Variants in FUT8 observed in about 807,000 individuals in gnomAD.
FUT8 encodes fucosyltransferase 8, also known as alpha-(1,6)-fucosyltransferase.
In FUT8, 29 loss-of-function variants were observed where a neutral mutation model predicts 71.3. That is an observed-to-expected ratio of 0.41 (90% CI 0.30 to 0.55). FUT8 has a LOEUF of 0.55. Ranked by LOEUF, FUT8 falls within the 20% of genes least tolerant of loss-of-function variation. The pLI, the probability that FUT8 is intolerant of heterozygous loss-of-function variation, is 0.34. For synonymous variants in FUT8, 254 were observed against 239.3 expected, an observed-to-expected ratio of 1.06 and a Z score of -0.57; for missense variants, 544 against 702.1, an observed-to-expected ratio of 0.77 and a Z score of 2.55.
At position 65,629,432 on chromosome 14, in the gene FUT8, T is replaced by C. The variant is rs1001534305; in HGVS notation, c.483-60T>C. On this transcript the variant is annotated intron_variant, in intron 5 of 10. Transcript: ENST00000673929. Reference sequence around the variant, plus strand: ...GAATCTGGCATTCTTCTTAAGACTTTGTGTAATCCAGTGAAGCAGTACAGA... The same window carrying C: ...GAATCTGGCATTCTTCTTAAGACTTCGTGTAATCCAGTGAAGCAGTACAGA... The C allele has an allele frequency of 3.9e-6, 4 of 1,016,978 alleles. No individual in the cohort carries two copies. The African/African-American group carries it at 4.8e-5, about 12-fold the overall frequency. The allele number at this position is 1,016,978 out of a possible 1,614,324, so 63.0% of individuals were successfully genotyped here.
At chr14:65,358,789 C>T in the FUT8 span, among the ~76,000 whole-genome samples, 1 of 152,214 alleles carries the variant, frequency 6.6e-6, no homozygotes, top group African/African-American at 2.4e-5. Context: ...ATGTCTTTGC[C>T]ATTTTGTTTT....
intron 2 of FUT8, among the ~76,000 whole-genome samples, chr14:65,524,715 A>G (rs1241835659): frequency 1.3e-5 from 2 of 152,136 alleles, no homozygotes; most frequent in African/African-American, 4.8e-5. Flanking sequence ...TGGGTTTGTC[A>G]TAAATAGCTC....
At chr14:65,510,827 A>G (rs1882292145) in intron 2 of FUT8, among the ~76,000 whole-genome samples, 1 of 151,982 alleles carries the variant, frequency 6.6e-6, no homozygotes, top group South Asian at 2.1e-4. Flanking sequence ...AGTCTGGCTT[A>G]AGGTTTGTCC....
In FUT8 at chr14:65,627,482, G is replaced by C. The variant is rs1889959352; in HGVS notation, c.483-2010G>C. ...GCGACTTGAGAGGGTCAAGTGTGCT[G>C]TCTGACCATTGACTTGGGCCTGTAT... On this transcript the variant is annotated intron_variant, in intron 5 of 10. Transcript: ENST00000673929. The surrounding 1 kb of genome is among the most constrained non-coding windows in gnomAD (Gnocchi z 4.0). Among the ~76,000 whole-genome samples the C allele has an allele frequency of 6.6e-6, 1 of 152,236 alleles. No individual in the cohort carries two copies. The highest frequency in any genetic ancestry group is 6.5e-5 in the Admixed American group (1 of 15,290).
chr14:65,717,028 C>T (rs959975445), intron 7 of FUT8, among the ~76,000 whole-genome samples: 5 of 147,688 alleles, frequency 3.4e-5, no homozygotes, highest in African/African-American at 1.0e-4. Flanking sequence ...TCCACACTTC[C>T]CAGACGGGGT....
chr14:65,567,075 T>G (rs1293603601), intron 3 of FUT8, among the ~76,000 whole-genome samples: 1 of 151,990 alleles, frequency 6.6e-6, no homozygotes, highest in Non-Finnish European at 1.5e-5. Context: ...CAACTTTCCT[T>G]TTAACCTAAT....
At chr14:65,421,997 AG>A (rs2065305371) in intron 1 of FUT8, among the ~76,000 whole-genome samples, 2 of 151,944 alleles carry the variant, frequency 1.3e-5, no homozygotes, top group African/African-American at 4.8e-5. Context: ...TACTTTCTGT[AG>A]TGTACTGTGT....
the FUT8 span, among the ~76,000 whole-genome samples, chr14:65,365,697 C>T: frequency 6.6e-6 from 1 of 152,120 alleles, no homozygotes; most frequent in South Asian, 2.1e-4. Context: ...CAAGAGGTTG[C>T]CCTATAGGGT....
intron 2 of FUT8, among the ~76,000 whole-genome samples, chr14:65,515,034 A>G (rs1882616098): frequency 6.8e-6 from 1 of 147,780 alleles, no homozygotes; most frequent in Non-Finnish European, 1.5e-5. Context: ...TTGTGGAATC[A>G]AATTATTTTG....
chr14:65,383,896 G>C, the FUT8 span, among the ~76,000 whole-genome samples: 1 of 151,142 alleles, frequency 6.6e-6, no homozygotes, highest in African/African-American at 2.4e-5. Flanking sequence ...AAGGTCCCAT[G>C]GGATGAAACA....
chr14:65,564,390 CA>C (rs1478428776), intron 3 of FUT8, among the ~76,000 whole-genome samples: 3 of 151,944 alleles, frequency 2.0e-5, no homozygotes, highest in Admixed American at 1.3e-4. Context: ...AAGCCATTAA[CA>C]AATCTTTCGG....
intron 1 of FUT8, among the ~76,000 whole-genome samples, chr14:65,445,778 A>G (rs996714392): frequency 6.6e-5 from 10 of 152,200 alleles, no homozygotes; most frequent in African/African-American, 2.4e-4. Context: ...TGACTGATGC[A>G]CAGAAAACCT....
At chr14:65,390,134 A>C in the FUT8 span, among the ~76,000 whole-genome samples, 1 of 151,092 alleles carries the variant, frequency 6.6e-6, no homozygotes, top group South Asian at 2.1e-4. Flanking sequence ...TGACAGAATG[A>C]GACCCTGTCT....
rs767925316 is a variant in FUT8, at chr14:65,629,543, T to C, written c.534T>C (p.Asp178=). 2.9e-5 allele frequency: 47 copies of C among 1,613,768 alleles called. No homozygotes were observed. In the South Asian group the frequency reaches 4.2e-4, roughly 14 times the overall value. ...TCAGTCAGACAGATGGAGCAGGTGA[T>C]TGGCGGGAAAAAGAGGCCAAAGATC... ...YYLSQTDGAG[D]WREKEAKDLT... is the part of the protein sequence containing the mutation. The change falls in exon 6 of 11, where the codon GAT becomes GAC. Residue 178 remains aspartate (D), a synonymous_variant. Transcript: ENST00000673929.
chr14:65,616,382 C>T lies in FUT8; in HGVS notation c.482+9C>T, dbSNP rs762982895. The stretch of plus-strand genomic sequence containing the variant: ...TTAGGACATCATGAAAGGTACTATT[C>T]TCCTTTCACATTTTATTTGGGCTTT... On this transcript the variant is annotated intron_variant, in intron 5 of 10. Coordinates refer to ENST00000673929, the MANE Select transcript of FUT8 (RefSeq NM_001371533.1). 2.6e-6 allele frequency: 4 copies of T among 1,549,242 alleles called. No individual in the cohort carries two copies. The highest frequency in any genetic ancestry group is 3.5e-6 in the Non-Finnish European group (4 of 1,147,856).
At chr14:65,507,781 T>C (rs2066759613) in intron 2 of FUT8, among the ~76,000 whole-genome samples, 2 of 152,218 alleles carry the variant, frequency 1.3e-5, no homozygotes, top group Admixed American at 1.3e-4. Context: ...AGATATCTCT[T>C]TGATACACTG....
At chr14:65,462,851 AGT>A (rs967043175) in intron 2 of FUT8, among the ~76,000 whole-genome samples, 4 of 152,242 alleles carry the variant, frequency 2.6e-5, no homozygotes, top group Non-Finnish European at 5.9e-5. Flanking sequence ...TCTGGACAAA[AGT>A]TACTGAAGTA....
Position 65,716,886 on chromosome 14 carries a change from G to A in FUT8, c.836-4889G>A, listed in dbSNP as rs1256070328. ...CAGAGGCGCTCCTCACCTCCCAGAC[G>A]GGGCGGCCGGGCAGAGGCGCTCCCC... On this transcript the variant is annotated intron_variant, in intron 7 of 10. Coordinates refer to ENST00000673929, the MANE Select transcript of FUT8 (RefSeq NM_001371533.1). 3.0e-3 allele frequency among the ~76,000 whole-genome samples: 427 copies of A among 144,634 alleles called. 1 individual carries two copies. Among genetic ancestry groups the A allele is most frequent in the African/African-American group, 0.01 (404 of 38,774 alleles). The allele number at this position is 144,634 out of a possible 152,430, so 94.9% of individuals were successfully genotyped here. A position where few individuals can be genotyped will look rare whatever the true frequency, so the allele number is the denominator to read the frequency against.
chr14:65,515,401 G>C (rs10135934), intron 2 of FUT8, among the ~76,000 whole-genome samples: 9,287 of 151,580 alleles, frequency 0.061, 492 homozygotes, highest in South Asian at 0.19. Flanking sequence ...ACCTCTAGAA[G>C]GGATATTCAT....
Sources: gnomAD v4.1 joint callset for allele counts (sites outside exome capture counted in the v4.1 genomes callset) on GRCh38, gnomAD v4.1.1 for gene constraint, Gnocchi (gnomAD v3.1) non-coding constraint, MANE v1.5 for transcripts, NCBI Gene and HGNC (gene_info 2026-07-23, HGNC 2026-07-21) for gene names.